Variants in TLCD3A observed in about 807,000 individuals in gnomAD.
The protein encoded by TLCD3A is TLC domain containing 3A, also known as TLC domain-containing protein 3A.
In TLCD3A, 17 loss-of-function variants were observed where a neutral mutation model predicts 29.9. The observed-to-expected ratio is 0.57, with a 90% CI of 0.39 to 0.85. TLCD3A has a LOEUF of 0.85. TLCD3A is among the 40% of genes least tolerant of loss of function. The probability of loss-of-function intolerance (pLI) is 0.00; values close to 1 mark genes in which losing one functional copy is unlikely to be tolerated. For synonymous variants in TLCD3A, 143 were observed against 147.7 expected (o/e 0.97, Z 0.23); for missense variants, 332 against 350.8 (o/e 0.95, Z 0.43).
At chr17:737,081 G>A (rs1040841910) in intron 2 of TLCD3A, among the ~76,000 whole-genome samples, 2 of 151,206 alleles carry the variant, frequency 1.3e-5, no homozygotes, top group East Asian at 1.9e-4. Context: ...GCGCAATATC[G>A]GCTCACTGCA....
chr17:741,496 A>C lies in TLCD3A; in HGVS notation c.700A>C (p.Ile234Leu). Residue 234 changes from isoleucine to leucine, a missense_variant, in exon 5 of 5, where the codon ATC becomes CTC. Physicochemically the swap from Ile to Leu is conservative, Grantham distance 5 (BLOSUM62 2). Coordinates refer to ENST00000308278, the MANE Select transcript of TLCD3A (RefSeq NM_024792.3). Reference protein sequence around the residue: ...VANAFLVAPQIYWFCLLCRKA... With the variant: ...VANAFLVAPQLYWFCLLCRKA... ...CAATGCCTTCCTCGTAGCTCCTCAG[A>C]TCTACTGGTTCTGTCTGCTGTGCAG... is the stretch of plus-strand genomic sequence containing the variant. The C allele has an allele frequency of 2.5e-6, 4 of 1,614,074 alleles. No homozygotes were observed. Among genetic ancestry groups the C allele is most frequent in the Non-Finnish European group, 3.4e-6 (4 of 1,180,002 alleles).
intron 2 of TLCD3A, among the ~76,000 whole-genome samples, chr17:733,668 C>T (rs1380730118): frequency 6.6e-6 from 1 of 152,168 alleles, no homozygotes; most frequent in African/African-American, 2.4e-5. Context: ...CGGACTTGTA[C>T]GTCTATCAGA....
rs764304013 is a variant in TLCD3A at position 741,335 on chromosome 17, A to G, written c.539A>G (p.Asn180Ser). 4 of 1,614,148 alleles carry G rather than the reference A, an allele frequency of 2.5e-6. No individual in the cohort carries two copies. The South Asian group carries it at 4.4e-5, about 18-fold the overall frequency. The part of the protein sequence containing the change: ...KQQHTLLYKV[N>S]GILTLATFLS... The stretch of plus-strand genomic sequence containing the variant: ...CAGCACACCCTTCTGTACAAGGTGA[A>G]TGGAATCCTCACGCTGGCCACCTTC... Residue 180 changes from asparagine to serine, a missense_variant, in exon 5 of 5, where the codon AAT becomes AGT. Transcript: ENST00000308278.
intron 3 of TLCD3A, among the ~76,000 whole-genome samples, chr17:738,438 CCT>C (rs1218370343): frequency 6.6e-6 from 1 of 151,628 alleles, no homozygotes; most frequent in Admixed American, 6.6e-5. Flanking sequence ...CGGGATTGCC[CCT>C]CTTTTCTTTG....
chr17:733,588 C>A (rs752420061), intron 2 of TLCD3A, among the ~76,000 whole-genome samples: 2 of 152,156 alleles, frequency 1.3e-5, no homozygotes, highest in Non-Finnish European at 2.9e-5. Context: ...CCCCCTTCCA[C>A]GCAAACGCCG....
rs1974280870 is a variant in TLCD3A at position 742,873 on chromosome 17, AAC to A, written c.*1305_*1306del. ...AGTCTTTAATGGGTGCCATTTAAAAAACAAAATGCTATTTTTTAATTGTCTTT... is the reference window on the plus strand; with the variant it reads ...AGTCTTTAATGGGTGCCATTTAAAAAAAAATGCTATTTTTTAATTGTCTTT... On this transcript the variant is annotated 3_prime_UTR_variant, in exon 5 of 5. Transcript: ENST00000308278. 1.3e-5 allele frequency: 2 copies of A among 152,560 alleles called. No homozygotes were observed. Among genetic ancestry groups the A allele is most frequent in the South Asian group, 4.1e-4 (2 of 4,838 alleles). The allele number at this position is 152,560 out of a possible 1,614,324, so 9.5% of individuals were successfully genotyped here. A position where few individuals can be genotyped will look rare whatever the true frequency, so the allele number is the denominator to read the frequency against.
At chr17:739,977 C>T (rs1490892370) in intron 3 of TLCD3A, among the ~76,000 whole-genome samples, 1 of 152,104 alleles carries the variant, frequency 6.6e-6, no homozygotes, top group African/African-American at 2.4e-5. Context: ...ACCCGGGAGG[C>T]AGAGGTTGCA....
At position 741,606 on chromosome 17, in the gene TLCD3A, T is replaced by C. The variant is rs771216838; in HGVS notation, c.*36T>C. On this transcript the variant is annotated 3_prime_UTR_variant, in exon 5 of 5. Transcript: ENST00000308278. ...GAGTCAGGCGCAGCCTCACACCAGC[T>C]GCCTCCTCCACTCAGCATTCCATGG... 6.2e-7 allele frequency: 1 copy of C among 1,601,966 alleles called. No individual in the cohort carries two copies. Among genetic ancestry groups the C allele is most frequent in the African/African-American group, 1.3e-5 (1 of 74,886 alleles).
Position 732,731 on chromosome 17 carries a change from C to G in TLCD3A, c.84C>G (p.Pro28=), listed in dbSNP as rs146853090. Residue 28 remains proline (P), a synonymous_variant, in exon 1 of 5, where the codon CCC becomes CCG. Coordinates refer to ENST00000308278, the MANE Select transcript of TLCD3A (RefSeq NM_024792.3). ...CCTGGGCGCTGCGCCGCTCCCAGCC[C>G]GGATGGAGCCGCACCGACTGCGTGA... is the stretch of plus-strand genomic sequence containing the variant. ...LCTWALRRSQ[P]GWSRTDCVMI... 128 of 1,444,864 alleles carry G rather than the reference C, an allele frequency of 8.9e-5. No homozygotes were observed. The highest frequency in any genetic ancestry group is 5.9e-4 in the Admixed American group (24 of 40,520). 89.5% of individuals were successfully genotyped at this position (1,444,864 alleles called of 1,614,324 possible).
Position 741,557 on chromosome 17 carries a change from A to G in TLCD3A, c.761A>G (p.Lys254Arg). ...AVRLFDTPQA[K>R]KDG Reference sequence around the variant, plus strand: ...CGGCTCTTTGACACTCCCCAAGCCAAAAAGGATGGCTAAATGCTCCTGGGA... The same window carrying G: ...CGGCTCTTTGACACTCCCCAAGCCAGAAAGGATGGCTAAATGCTCCTGGGA... The change falls in exon 5 of 5, where the codon AAA becomes AGA. Residue 254 changes from lysine to arginine, a missense_variant. Lys to Arg is a conservative substitution (Grantham distance 26). Coordinates refer to ENST00000308278, the MANE Select transcript of TLCD3A (RefSeq NM_024792.3). The G allele has an allele frequency of 6.2e-7, 1 of 1,613,196 alleles. No homozygotes were observed. Among genetic ancestry groups the G allele is most frequent in the Non-Finnish European group, 8.5e-7 (1 of 1,179,994 alleles).
rs1251424062 is a variant in TLCD3A at position 742,641 on chromosome 17, G to T, written c.*1071G>T. The T allele has an allele frequency of 1.3e-5, 2 of 152,426 alleles. No homozygotes were observed. Among genetic ancestry groups the T allele is most frequent in the African/African-American group, 4.8e-5 (2 of 41,448 alleles). The allele number at this position is 152,426 out of a possible 1,614,324, so 9.4% of individuals were successfully genotyped here. A position where few individuals can be genotyped will look rare whatever the true frequency, so the allele number is the denominator to read the frequency against. ...GAGGCGGCAGCTAGCCTGGCCAGTG[G>T]CTGTCCCGTGGACCGACACCTGCGC... On this transcript the variant is annotated 3_prime_UTR_variant, in exon 5 of 5. Coordinates refer to ENST00000308278, the MANE Select transcript of TLCD3A (RefSeq NM_024792.3).
intron 3 of TLCD3A, among the ~76,000 whole-genome samples, 190 bp from the exon 4 acceptor site, chr17:740,315 G>A (rs546814370): frequency 1.3e-5 from 2 of 152,290 alleles, no homozygotes; most frequent in South Asian, 4.1e-4. Flanking sequence ...GTCTGAATTT[G>A]CCTCTGGATC....
intron 1 of TLCD3A, 85 bp downstream of exon 1, chr17:732,854 G>T: frequency 7.3e-7 from 1 of 1,367,498 alleles, no homozygotes; most frequent in Non-Finnish European, 9.4e-7. Context: ...GGCGGAAAAG[G>T]GGGGCGGCAG....
rs1224754675 is a variant in TLCD3A at position 741,284 on chromosome 17, T to C, written c.505-17T>C. ...CTTCTTGGTGACCTTACCTTTTTCC[T>C]TCCTCTTCTATTGCAGCTAAAGCAG... On this transcript the variant is annotated splice_polypyrimidine_tract_variant and intron_variant, in intron 4 of 4. Transcript: ENST00000308278. 6.2e-7 allele frequency: 1 copy of C among 1,612,958 alleles called. No homozygotes were observed. Among genetic ancestry groups the C allele is most frequent in the South Asian group, 1.1e-5 (1 of 91,070 alleles).
At chr17:732,800 C>A in intron 1 of TLCD3A, 31 bp downstream of exon 1, 1 of 1,433,320 alleles carries the variant, frequency 7.0e-7, no homozygotes, top group South Asian at 1.4e-5. Flanking sequence ...CCCCCCGAGG[C>A]CCGGGGCGCT....
At chr17:734,145 G>A (rs1974118231) in intron 2 of TLCD3A, among the ~76,000 whole-genome samples, 1 of 151,972 alleles carries the variant, frequency 6.6e-6, no homozygotes, top group Non-Finnish European at 1.5e-5. Flanking sequence ...GACACCAAAG[G>A]TTAATATTGG....
intron 2 of TLCD3A, among the ~76,000 whole-genome samples, chr17:737,537 A>G (rs1343925613): frequency 6.6e-6 from 1 of 152,094 alleles, no homozygotes; most frequent in South Asian, 2.1e-4. Flanking sequence ...ATATCTATCT[A>G]TATCAAAATC....
At chr17:741,030 ACTC>A (rs1425143196) in intron 4 of TLCD3A, among the ~76,000 whole-genome samples, 8 of 152,270 alleles carry the variant, frequency 5.3e-5, no homozygotes, top group East Asian at 3.9e-4. Flanking sequence ...CGGTTCCTGT[ACTC>A]CTGTCAGCTG....
In TLCD3A at chr17:741,378, T is replaced by C. The variant is rs770388425; in HGVS notation, c.582T>C (p.Leu194=). 2 of 1,614,190 alleles carry C rather than the reference T, an allele frequency of 1.2e-6. No individual in the cohort carries two copies. The highest frequency in any genetic ancestry group is 2.2e-5 in the East Asian group (1 of 44,882). Residue 194 remains leucine (L), a synonymous_variant, in exon 5 of 5, where the codon CTT becomes CTC. Coordinates refer to ENST00000308278, the MANE Select transcript of TLCD3A (RefSeq NM_024792.3). Reference sequence around the variant, plus strand: ...CCACCTTCCTTTCCTGCCGGATCCTTCTCTTCCCCTTCATGTACTGGTCCT... The same window carrying C: ...CCACCTTCCTTTCCTGCCGGATCCTCCTCTTCCCCTTCATGTACTGGTCCT... ...TLATFLSCRI[L]LFPFMYWSYG...
Sources: allele counts gnomAD v4.1 joint callset (sites outside exome capture counted in the v4.1 genomes callset), GRCh38; gene constraint gnomAD v4.1.1; transcripts MANE v1.5; gene names NCBI Gene and HGNC (gene_info 2026-07-23, HGNC 2026-07-21).